CNTN4: variants seen among roughly 807,000 people sequenced by gnomAD.
CNTN4 encodes the protein contactin-4.
In CNTN4, 77 loss-of-function variants were observed where a neutral mutation model predicts 122.5. The observed-to-expected ratio is 0.63, with a 90% CI of 0.52 to 0.76. CNTN4 has a LOEUF of 0.76. Ranked by LOEUF, CNTN4 falls within the 30% of genes least tolerant of loss-of-function variation. The pLI is 0.00. For synonymous variants in CNTN4, 512 were observed against 447.0 expected (o/e 1.15, Z -1.83); for missense variants, 1,256 against 1,259.1 (o/e 1.00, Z 0.04).
chr3:3,029,274 C>A (rs1300860009), intron 15 of CNTN4, among the ~76,000 whole-genome samples: 1 of 152,192 alleles, frequency 6.6e-6, no homozygotes, highest in African/African-American at 2.4e-5. Context: ...TCATGGCTGT[C>A]AGTAATACCA....
chr3:2,598,910 G>A (rs1438086925), intron 4 of CNTN4, among the ~76,000 whole-genome samples: 2 of 151,980 alleles, frequency 1.3e-5, no homozygotes, highest in East Asian at 1.9e-4. Context: ...TATTTAAAGG[G>A]CATTTTCAAA....
intron 4 of CNTN4, among the ~76,000 whole-genome samples, chr3:2,692,608 G>A (rs2085802075): frequency 6.6e-6 from 1 of 152,046 alleles, no homozygotes; most frequent in Admixed American, 6.6e-5. Flanking sequence ...ATCATGAACA[G>A]CTCTCTTTCT....
chr3:2,722,613 C>T (rs112373589), intron 4 of CNTN4, among the ~76,000 whole-genome samples: 1,722 of 152,158 alleles, frequency 0.011, 31 homozygotes, highest in African/African-American at 0.039. Flanking sequence ...GCTAAGAAAA[C>T]GTTTTTTTCC....
At chr3:2,900,555 T>G (rs969765801) in intron 10 of CNTN4, 130 bp from the exon 11 acceptor site, 2 of 1,005,812 alleles carry the variant, frequency 2.0e-6, no homozygotes, top group Non-Finnish European at 3.1e-6. Context: ...CTCCCCAGTC[T>G]TGTTATTTGC....
intron 13 of CNTN4, among the ~76,000 whole-genome samples, chr3:2,950,746 A>C (rs2094731986): frequency 6.6e-6 from 1 of 152,096 alleles, no homozygotes; most frequent in Non-Finnish European, 1.5e-5. Context: ...ATTGGTTTTA[A>C]CTCTATATGG....
intron 6 of CNTN4, among the ~76,000 whole-genome samples, chr3:2,788,059 G>A (rs1321486344): frequency 6.6e-6 from 1 of 152,008 alleles, no homozygotes. Context: ...CAAAGTGCTC[G>A]GATTACCGTG....
rs1045481368 is a variant in CNTN4 at position 2,699,721 on chromosome 3, G to A, written c.56-36494G>A. ...TGGAAATTAACAATATGTGAATTCA[G>A]TGGTTTCACCAGTGTAGCCTCTTGA... On this transcript the variant is annotated intron_variant, in intron 4 of 24. Transcript: ENST00000418658. 3.3e-5 allele frequency among the ~76,000 whole-genome samples: 5 copies of A among 152,188 alleles called. No homozygotes were observed. The East Asian group carries it at 5.8e-4, about 18-fold the overall frequency.
chr3:2,908,814 T>TTTTCCAGGACTG (rs2094266067), intron 12 of CNTN4, among the ~76,000 whole-genome samples: 2 of 152,270 alleles, frequency 1.3e-5, no homozygotes, highest in South Asian at 4.1e-4. Flanking sequence ...ATGACTTGAC[T>TTTTCCAGGACTG]TTTCCAGGAC....
At chr3:2,659,395 G>C (rs111765951) in intron 4 of CNTN4, among the ~76,000 whole-genome samples, 11,602 of 149,302 alleles carry the variant, frequency 0.078, 483 homozygotes, top group Admixed American at 0.14. Context: ...CCAGGAGGTG[G>C]AGGTTGCGGT....
chr3:2,640,636 T>C (rs1433829800), intron 4 of CNTN4, among the ~76,000 whole-genome samples: 1 of 92,980 alleles, frequency 1.1e-5, no homozygotes, highest in Non-Finnish European at 2.0e-5. Flanking sequence ...AGTGAGTGTG[T>C]GTATATGTGT....
chr3:2,230,397 GT>G (rs1350118227), intron 2 of CNTN4, among the ~76,000 whole-genome samples: 6 of 152,144 alleles, frequency 3.9e-5, no homozygotes, highest in Non-Finnish European at 8.8e-5. Context: ...GACTCAGAAG[GT>G]TTAGGTGATT....
chr3:2,845,372 A>C (rs1416827688), intron 7 of CNTN4, among the ~76,000 whole-genome samples: 1 of 152,096 alleles, frequency 6.6e-6, no homozygotes, highest in African/African-American at 2.4e-5. Flanking sequence ...TAAGAGTTAC[A>C]TTGTTCTTAC....
chr3:2,362,540 C>G (rs2045200573), intron 3 of CNTN4: 1 of 604,168 alleles, frequency 1.7e-6, no homozygotes, highest in African/African-American at 1.9e-5. Context: ...CCTAAGAAGC[C>G]CATTCCTCGG....
At chr3:2,230,752 A>G (rs1362720391) in intron 2 of CNTN4, among the ~76,000 whole-genome samples, 4 of 152,154 alleles carry the variant, frequency 2.6e-5, no homozygotes, top group Non-Finnish European at 4.4e-5. Context: ...TGGCAGGCTG[A>G]GGCAGATGGA....
At chr3:2,884,798 CTA>C (rs1469410003) in intron 9 of CNTN4, among the ~76,000 whole-genome samples, 4 of 152,296 alleles carry the variant, frequency 2.6e-5, no homozygotes, top group Middle Eastern at 3.4e-3. Flanking sequence ...GAATTAAACT[CTA>C]TTCACACTGT....
chr3:2,784,290 A>G (rs997505178), intron 6 of CNTN4, among the ~76,000 whole-genome samples: 2 of 152,220 alleles, frequency 1.3e-5, no homozygotes, highest in African/African-American at 2.4e-5. Context: ...CTTACCGCCT[A>G]TACTGTTTTG....
intron 2 of CNTN4, among the ~76,000 whole-genome samples, chr3:2,140,073 C>G (rs2034919185): frequency 6.6e-6 from 1 of 152,176 alleles, no homozygotes; most frequent in South Asian, 2.1e-4. Context: ...CCTGCACAAG[C>G]CCTCTTGCCT....
At chr3:2,497,828 A>G (rs986186149) in intron 3 of CNTN4, among the ~76,000 whole-genome samples, 1 of 152,290 alleles carries the variant, frequency 6.6e-6, no homozygotes, top group East Asian at 1.9e-4. Context: ...TTCTCCCTCC[A>G]CGGGATATAA....
intron 3 of CNTN4, among the ~76,000 whole-genome samples, chr3:2,345,494 A>G (rs1418228184): frequency 2.6e-5 from 4 of 152,164 alleles, no homozygotes; most frequent in Non-Finnish European, 5.9e-5. Flanking sequence ...GTTAATGGAA[A>G]GGATTATGCT....
Sources: allele counts gnomAD v4.1 joint callset (sites outside exome capture counted in the v4.1 genomes callset), GRCh38; gene constraint gnomAD v4.1.1; transcripts MANE v1.5; gene names NCBI Gene and HGNC (gene_info 2026-07-23, HGNC 2026-07-21).